NMUR2: variants seen among roughly 807,000 people sequenced by gnomAD.
The protein encoded by NMUR2 is neuromedin-U receptor 2.
A neutral mutation model predicts 25.1 loss-of-function variants in NMUR2; 24 were observed. The observed-to-expected ratio is 0.96, with a 90% CI of 0.69 to 1.34. The LOEUF is 1.34. NMUR2 is among the 40% of genes most tolerant of loss of function. NMUR2 has a pLI of 0.00. For synonymous variants in NMUR2, 218 were observed against 208.1 expected, an observed-to-expected ratio of 1.05 and a Z score of -0.41; for missense variants, 533 against 512.8, an observed-to-expected ratio of 1.04 and a Z score of -0.38.
At chr5:152,402,943 T>G (rs1753283109) in intron 1 of NMUR2, among the ~76,000 whole-genome samples, 2 of 152,164 alleles carry the variant, frequency 1.3e-5, no homozygotes. Flanking sequence ...GCTATTCACC[T>G]TAGGGACAAT....
At chr5:152,394,850 T>A (rs865984082) in intron 3 of NMUR2, among the ~76,000 whole-genome samples, 6 of 149,950 alleles carry the variant, frequency 4.0e-5, no homozygotes, top group Non-Finnish European at 8.9e-5. Flanking sequence ...GAGGCTTTTT[T>A]TTTTTTTTTT....
At position 152,391,981 on chromosome 5, in the gene NMUR2, T is replaced by C. The variant is rs1753067612; in HGVS notation, c.*210A>G. On this transcript the variant is annotated 3_prime_UTR_variant, in exon 4 of 4. Transcript: ENST00000255262. ...AAGGGGCATGAGGCAGTTAGGATAG[T>C]GGAAAGATAACTAAAAATCAGGCAG... is the stretch of plus-strand genomic sequence containing the variant. 3 of 515,994 alleles carry C rather than the reference T, an allele frequency of 5.8e-6. No homozygotes were observed. In the Admixed American group the frequency reaches 1.1e-4, roughly 18 times the overall value. The allele number at this position is 515,994 out of a possible 1,614,324, so 32.0% of individuals were successfully genotyped here.
intron 3 of NMUR2, 43 bp from the exon 4 acceptor site, chr5:152,392,544 A>C: frequency 6.7e-7 from 1 of 1,485,978 alleles, no homozygotes; most frequent in Non-Finnish European, 9.3e-7. Flanking sequence ...AGAAGAACTT[A>C]AGTGACCGGC....
intron 3 of NMUR2, among the ~76,000 whole-genome samples, chr5:152,394,367 G>A (rs1753113936): frequency 6.6e-6 from 1 of 152,196 alleles, no homozygotes; most frequent in Non-Finnish European, 1.5e-5. Context: ...ACAATATTCA[G>A]TATAGATGTC....
Position 152,392,129 on chromosome 5 carries a change from A to G in NMUR2, c.*62T>C, listed in dbSNP as rs1257546877. The G allele has an allele frequency of 7.4e-7, 1 of 1,343,146 alleles. No individual in the cohort carries two copies. Among genetic ancestry groups the G allele is most frequent in the Non-Finnish European group, 1.0e-6 (1 of 963,320 alleles). 83.2% of individuals were successfully genotyped at this position (1,343,146 alleles called of 1,614,324 possible). ...TCTCTAATATCATATGAGAAGGCAT[A>G]CATTATGGGATGTTCCTCTCTGAAG... On this transcript the variant is annotated 3_prime_UTR_variant, in exon 4 of 4. Coordinates refer to ENST00000255262, the MANE Select transcript of NMUR2 (RefSeq NM_020167.5).
At position 152,392,194 on chromosome 5, in the gene NMUR2, G is replaced by T; in HGVS notation, c.1245C>A (p.Thr415=). The change falls in exon 4 of 4, where the codon ACC becomes ACA. Residue 415 remains threonine (T), a synonymous_variant. Transcript: ENST00000255262. ...TNYQSFHFNK[T] is the part of the protein sequence containing the mutation. ...GGAGAGTCAGCTCTGAAAGAATTCA[G>T]GTTTTGTTAAAGTGGAAGCTTTGAT... 6.2e-7 allele frequency: 1 copy of T among 1,609,158 alleles called. No individual in the cohort carries two copies. Among genetic ancestry groups the T allele is most frequent in the South Asian group, 1.1e-5 (1 of 90,634 alleles).
At chr5:152,401,520 A>G (rs1400786590) in intron 1 of NMUR2, among the ~76,000 whole-genome samples, 1 of 152,228 alleles carries the variant, frequency 6.6e-6, no homozygotes, top group African/African-American at 2.4e-5. Flanking sequence ...ATATCTCTAT[A>G]ATCTTAACAC....
In NMUR2 at chr5:152,391,669, A is replaced by T. The variant is rs1427333930; in HGVS notation, c.*522T>A. ...TCAACAGCATTGCCACAAACTTTCA[A>T]TTTTTTTAAAAGTGCAATATTTGAG... On this transcript the variant is annotated 3_prime_UTR_variant, in exon 4 of 4. Transcript: ENST00000255262. The T allele has an allele frequency of 6.5e-6, 1 of 153,290 alleles. No individual in the cohort carries two copies. The highest frequency in any genetic ancestry group is 1.5e-5 in the Non-Finnish European group (1 of 68,812). The allele number at this position is 153,290 out of a possible 1,614,324, so 9.5% of individuals were successfully genotyped here.
Position 152,395,451 on chromosome 5 carries a change from G to A in NMUR2, c.937+8C>T, listed in dbSNP as rs1041643500. ...CTAGTCATGCACCAAATCCAGCTAA[G>A]GTTTTACCTGACACCACATGGACGA... On this transcript the variant is annotated splice_region_variant and intron_variant, in intron 3 of 3. Coordinates refer to ENST00000255262, the MANE Select transcript of NMUR2 (RefSeq NM_020167.5). 1 of 1,613,304 alleles carries A rather than the reference G, an allele frequency of 6.2e-7. No homozygotes were observed. The highest frequency in any genetic ancestry group is 8.5e-7 in the Non-Finnish European group (1 of 1,179,530).
rs1390214697 is a variant in NMUR2 at position 152,404,950 on chromosome 5, A to G, written c.164T>C (p.Ile55Thr). 1.2e-6 allele frequency: 2 copies of G among 1,613,892 alleles called. No homozygotes were observed. Among genetic ancestry groups the G allele is most frequent in the Non-Finnish European group, 1.7e-6 (2 of 1,179,998 alleles). ...FLPVSVVYVP[I>T]FVVGVIGNVL... ...ATTGCCAATGACCCCCACCACAAAA[A>G]TTGGCACATACACCACAGACACGGG... Residue 55 changes from isoleucine to threonine, a missense_variant, in exon 1 of 4, where the codon ATT (isoleucine) becomes ACT (threonine). Transcript: ENST00000255262.
Position 152,400,648 on chromosome 5 carries a change from C to T in NMUR2, c.727-2504G>A, listed in dbSNP as rs551208056. Among the ~76,000 whole-genome samples, 5 of 152,282 alleles carry T rather than the reference C, an allele frequency of 3.3e-5. No individual in the cohort carries two copies. The South Asian group carries it at 1.0e-3, about 32-fold the overall frequency. On this transcript the variant is annotated intron_variant, in intron 1 of 3. Coordinates refer to ENST00000255262, the MANE Select transcript of NMUR2 (RefSeq NM_020167.5). ...TGTATCAAACTTCAAACTTTACTAA[C>T]TCATCTTAGATTAAATCTATTAAAG...
At chr5:152,395,408 G>T in intron 3 of NMUR2, 51 bp downstream of exon 3, 1 of 1,606,670 alleles carries the variant, frequency 6.2e-7, no homozygotes, top group Non-Finnish European at 8.5e-7. Context: ...TGAAGAAGAA[G>T]GTGCTGTTAC....
intron 3 of NMUR2, 23 bp from the exon 4 acceptor site, chr5:152,392,524 A>G: frequency 1.9e-6 from 3 of 1,582,928 alleles, no homozygotes; most frequent in South Asian, 2.3e-5. Context: ...GGATTTAAAA[A>G]GATGTGCTGA....
chr5:152,404,611 C>A lies in NMUR2; in HGVS notation c.503G>T (p.Gly168Val), dbSNP rs547914572. 8.1e-6 allele frequency: 13 copies of A among 1,614,082 alleles called. No homozygotes were observed. The East Asian group carries it at 1.6e-4, about 19-fold the overall frequency. Residue 168 changes from glycine (G) to valine (V), a missense_variant, in exon 1 of 4, where the codon GGC becomes GTC. By Grantham distance (109) the Gly-to-Val change is moderately radical (BLOSUM62 -3). Transcript: ENST00000255262. The stretch of plus-strand genomic sequence containing the variant: ...GAGCACGGAGAAGCCCCAGACGATG[C>A]CGAGGATCCTGAGGGCCCGGCGCCG... ...STRRRALRIL[G>V]IVWGFSVLFS... is the part of the protein sequence containing the mutation.
intron 1 of NMUR2, among the ~76,000 whole-genome samples, chr5:152,402,938 T>C (rs1753282996): frequency 6.6e-6 from 1 of 152,190 alleles, no homozygotes; most frequent in Non-Finnish European, 1.5e-5. Context: ...ACCTCGCTAT[T>C]CACCTTAGGG....
chr5:152,397,012 G>GTTTTTTTTTTGTTTTTTTTTTTTTTTTT, intron 2 of NMUR2, among the ~76,000 whole-genome samples: 1 of 105,730 alleles, frequency 9.5e-6, no homozygotes, highest in South Asian at 3.6e-4. Context: ...TGAGCTTCAT[G>GTTTTTTTTTTGTTTTTTTTTTTTTTTTT]TTTTTTTTTT....
At chr5:152,398,228 G>T in intron 1 of NMUR2, 84 bp from the exon 2 acceptor site, 1 of 922,390 alleles carries the variant, frequency 1.1e-6, no homozygotes. Flanking sequence ...TAACTCAAAC[G>T]CTCATTTTGA....
intron 1 of NMUR2, among the ~76,000 whole-genome samples, 167 bp downstream of exon 1, chr5:152,404,221 A>C (rs1473468019): frequency 6.6e-6 from 1 of 152,184 alleles, no homozygotes; most frequent in East Asian, 1.9e-4. Flanking sequence ...CATTCATCTC[A>C]TTTGAGGCAA....
chr5:152,392,501 C>T lies in NMUR2; in HGVS notation c.938G>A (p.Gly313Asp). The T allele has an allele frequency of 4.4e-6, 7 of 1,607,292 alleles. No individual in the cohort carries two copies. The highest frequency in any genetic ancestry group is 6.0e-6 in the Non-Finnish European group (7 of 1,175,134). The change falls in exon 4 of 4, where the codon GGT (glycine) becomes GAT (aspartate). Residue 313 changes from glycine to aspartate, a missense_variant and splice_region_variant. Gly to Asp is a moderately conservative substitution (Grantham distance 94, BLOSUM62 -1). Coordinates refer to ENST00000255262, the MANE Select transcript of NMUR2 (RefSeq NM_020167.5). ...AVFNLVHVVSGVFFYLSSAVN... is the reference protein window; with the variant it reads ...AVFNLVHVVSDVFFYLSSAVN... ...AGCTGAGCTCAGGTAGAAGAAGACACCTGGAATGCAGGGGATTTAAAAAGA... is the reference window on the plus strand; with the variant it reads ...AGCTGAGCTCAGGTAGAAGAAGACATCTGGAATGCAGGGGATTTAAAAAGA...
Sources: allele counts gnomAD v4.1 joint callset (sites outside exome capture counted in the v4.1 genomes callset), GRCh38; gene constraint gnomAD v4.1.1; transcripts MANE v1.5; gene names NCBI Gene and HGNC (gene_info 2026-07-23, HGNC 2026-07-21).